Variants in TAS2R30 observed in about 807,000 individuals in gnomAD.
TAS2R30 encodes the protein taste 2 receptor member 30, also known as taste receptor type 2 member 30.
For missense variants in TAS2R30, 395 were observed against 371.6 expected (o/e 1.06, Z -0.52); for synonymous variants, 141 against 131.6 (o/e 1.07, Z -0.49).
Position 11,134,320 on chromosome 12 carries a change from T to C in TAS2R30, c.-76A>G. 1 of 1,330,050 alleles carries C rather than the reference T, an allele frequency of 7.5e-7. No individual in the cohort carries two copies. Among genetic ancestry groups the C allele is most frequent in the Non-Finnish European group, 1.0e-6 (1 of 978,252 alleles). 82.4% of individuals were successfully genotyped at this position (1,330,050 alleles called of 1,614,324 possible). ...TTGTGATTGCTTGAATATCCTGACC[T>C]TAAATTCTATATGCACCTGATTTGT... On this transcript the variant is annotated 5_prime_UTR_variant, in exon 1 of 1. An upstream open reading frame in the 5' UTR loses its in-frame stop. Transcript: ENST00000539585.
chr12:11,134,230 C>T lies in TAS2R30; in HGVS notation c.15G>A (p.Leu5=), dbSNP rs1162786982. The change falls in exon 1 of 1, where the codon CTG becomes CTA. Residue 5 remains leucine (L), a synonymous_variant. Coordinates refer to ENST00000539585, the Ensembl canonical transcript of TAS2R30. ...CTATTAGAATGGAAAAAATGATGGG[C>T]AGAAAAGTTATCATGTCTGAACAGA... 3 of 1,612,576 alleles carry T rather than the reference C, an allele frequency of 1.9e-6. No individual in the cohort carries two copies. In the East Asian group the frequency reaches 6.7e-5, roughly 36 times the overall value.
At chr12:11,133,120 TACACACACAC>T in exon 1 of TAS2R30, 1 of 496,930 alleles carries the variant, frequency 2.0e-6, no homozygotes, top group Non-Finnish European at 3.1e-6. Flanking sequence ...CAGTTTTTCA[TACACACACAC>T]ACACACACAC....
exon 1 of TAS2R30, chr12:11,133,265 C>T: frequency 1.3e-6 from 2 of 1,578,284 alleles, no homozygotes; most frequent in Non-Finnish European, 1.7e-6. Context: ...ATGTTTCATA[C>T]ACCACCAGTT....
exon 1 of TAS2R30, chr12:11,133,208 A>T: frequency 6.6e-7 from 1 of 1,515,676 alleles, no homozygotes. Context: ...TACATGTGGA[A>T]ATTATTCATA....
At chr12:11,133,126 C>CAG (rs1445846479) in exon 1 of TAS2R30, 1 of 833,264 alleles carries the variant, frequency 1.2e-6, no homozygotes, top group African/African-American at 1.7e-5. Context: ...TTCATACACA[C>CAG]ACACACACAC....
At chr12:11,133,142 C>CACAA in exon 1 of TAS2R30, 2 of 965,852 alleles carry the variant, frequency 2.1e-6, no homozygotes, top group Non-Finnish European at 2.9e-6. Flanking sequence ...CACACACACA[C>CACAA]ATCTATATAT....
At chr12:11,133,347 A>G in exon 1 of TAS2R30, 1 of 1,613,666 alleles carries the variant, frequency 6.2e-7, no homozygotes, top group South Asian at 1.1e-5. Flanking sequence ...TCTTTCACCC[A>G]GTACCTCACA....
rs1374853384 is a variant in TAS2R30 at position 11,133,833 on chromosome 12, G to C, written c.412C>G (p.Leu138Val). The stretch of plus-strand genomic sequence containing the variant: ...ACAAAAAGATGACAAACCAAAAATA[G>C]CAAAGGCCCCAACAGTATCACCAGA... The change falls in exon 1 of 1, where the codon CTA (leucine) becomes GTA (valine). Residue 138 changes from leucine (L) to valine (V), a missense_variant. Coordinates refer to ENST00000539585, the Ensembl canonical transcript of TAS2R30. The C allele has an allele frequency of 7.4e-6, 12 of 1,613,940 alleles. No individual in the cohort carries two copies. The highest frequency in any genetic ancestry group is 1.0e-5 in the Non-Finnish European group (12 of 1,180,012).
At chr12:11,133,656 G>A (rs1471710480) in exon 1 of TAS2R30, 2 of 1,614,150 alleles carry the variant, frequency 1.2e-6, no homozygotes, top group Non-Finnish European at 1.7e-6. Context: ...CAGATTAACA[G>A]CAGAAAAGAT....
rs1946417965 is a variant in TAS2R30, at chr12:11,133,120, T to TAA, written c.*164_*165insTT. 3 of 496,930 alleles carry TAA rather than the reference T, an allele frequency of 6.0e-6. No homozygotes were observed. The East Asian group carries it at 1.2e-4, about 20-fold the overall frequency. The allele number at this position is 496,930 out of a possible 1,614,324, so 30.8% of individuals were successfully genotyped here. A position where few individuals can be genotyped will look rare whatever the true frequency, so the allele number is the denominator to read the frequency against. On this transcript the variant is annotated 3_prime_UTR_variant, in exon 1 of 1. Transcript: ENST00000539585. ...ATTGTCAATGTTCTTCAGTTTTTCA[T>TAA]ACACACACACACACACACACACATC...
chr12:11,134,504 T>C, exon 1 of TAS2R30: 1 of 455,150 alleles, frequency 2.2e-6, no homozygotes, highest in South Asian at 3.5e-5. Flanking sequence ...CCATCTGTTC[T>C]TGTTATAGGC....
chr12:11,133,113 T>G lies in TAS2R30; in HGVS notation c.*172A>C, dbSNP rs1359076667. 4.2e-6 allele frequency: 3 copies of G among 714,056 alleles called. No homozygotes were observed. The East Asian group carries it at 1.0e-4, about 24-fold the overall frequency. The allele number at this position is 714,056 out of a possible 1,614,324, so 44.2% of individuals were successfully genotyped here. A position where few individuals can be genotyped will look rare whatever the true frequency, so the allele number is the denominator to read the frequency against. On this transcript the variant is annotated 3_prime_UTR_variant, in exon 1 of 1. Coordinates refer to ENST00000539585, the Ensembl canonical transcript of TAS2R30. ...GCATGTTATTGTCAATGTTCTTCAG[T>G]TTTTCATACACACACACACACACAC...
At chr12:11,133,068 T>G (rs374028039) in exon 1 of TAS2R30, 6 of 421,606 alleles carry the variant, frequency 1.4e-5, no homozygotes, top group Non-Finnish European at 2.2e-5. Flanking sequence ...TTGGCAGTTT[T>G]TGTGAAAAAA....
At chr12:11,133,180 A>G in exon 1 of TAS2R30, 1 of 1,353,230 alleles carries the variant, frequency 7.4e-7, no homozygotes, top group Admixed American at 3.1e-5. Flanking sequence ...AACTTTAGGT[A>G]AAAGACTTTT....
chr12:11,133,542 GA>G, the TAS2R30 span: 2,353 of 1,493,510 alleles, frequency 1.6e-3, no homozygotes, highest in African/African-American at 7.6e-3. Flanking sequence ...CATAACAGAA[GA>G]AAGGAGGTCA....
At chr12:11,133,942 G>T in exon 1 of TAS2R30, 1 of 1,614,126 alleles carries the variant, frequency 6.2e-7, no homozygotes, top group Non-Finnish European at 8.5e-7. Context: ...ACATGCTGAG[G>T]CTAGTAGCAA....
exon 1 of TAS2R30, chr12:11,133,682 A>T (rs753468736): frequency 2.5e-6 from 4 of 1,614,082 alleles, no homozygotes; most frequent in Non-Finnish European, 3.4e-6. Context: ...GGTCAGAGTG[A>T]GGGGTACAAA....
In TAS2R30 at chr12:11,133,906, G is replaced by C. The variant is rs568940139; in HGVS notation, c.339C>G (p.Phe113Leu). 177 of 1,614,140 alleles carry C rather than the reference G, an allele frequency of 1.1e-4. 1 individual carries two copies. The South Asian group carries it at 1.8e-3, about 17-fold the overall frequency. Residue 113 changes from phenylalanine (F) to leucine (L), a missense_variant, in exon 1 of 1, where the codon TTC becomes TTG. By Grantham distance (22) the Phe-to-Leu change is conservative (BLOSUM62 0). Transcript: ENST00000539585. ...TTATGCGAAGAAAAATAAGGTTGGA[G>C]AAATTGGCAATCCTGAGCAAATAAA...
In TAS2R30 at chr12:11,134,327, C is replaced by T. The variant is rs1946484903; in HGVS notation, c.-83G>A. On this transcript the variant is annotated 5_prime_UTR_variant, in exon 1 of 1. An upstream open reading frame in the 5' UTR loses its in-frame stop. Transcript: ENST00000539585. The stretch of plus-strand genomic sequence containing the variant: ...TGCTTGAATATCCTGACCTTAAATT[C>T]TATATGCACCTGATTTGTGTATGTG... 1 of 1,258,588 alleles carries T rather than the reference C, an allele frequency of 7.9e-7. No individual in the cohort carries two copies. Among genetic ancestry groups the T allele is most frequent in the African/African-American group, 1.5e-5 (1 of 66,834 alleles). 78.0% of individuals were successfully genotyped at this position (1,258,588 alleles called of 1,614,324 possible).
Sources: allele counts gnomAD v4.1 joint callset, GRCh38; gene constraint gnomAD v4.1.1; transcripts MANE v1.5; gene names NCBI Gene and HGNC (gene_info 2026-07-23, HGNC 2026-07-21).